Variants in PTPRD observed in about 807,000 individuals in gnomAD.
PTPRD encodes the protein protein tyrosine phosphatase receptor type D.
PTPRD carries 34 observed loss-of-function variants against 214.5 expected under a neutral mutation model. The ratio of observed to expected loss-of-function variants is 0.16; its 90% CI spans 0.12 to 0.21. The LOEUF (loss-of-function observed/expected upper bound fraction) is 0.21. Ranked by LOEUF, PTPRD falls within the 10% of genes least tolerant of loss-of-function variation. PTPRD has a pLI of 1.00. For missense variants in PTPRD, 2,545 were observed against 2,398.7 expected, an observed-to-expected ratio of 1.06 and a Z score of -1.27; for synonymous variants, 1,128 against 845.7, an observed-to-expected ratio of 1.33 and a Z score of -5.79.
At position 8,819,618 on chromosome 9, in the gene PTPRD, G is replaced by A. The variant is rs193029495; in HGVS notation, c.-103-85672C>T. 9.5e-4 allele frequency among the ~76,000 whole-genome samples: 145 copies of A among 152,224 alleles called. No homozygotes were observed. In the Middle Eastern group the frequency reaches 0.01, roughly 11 times the overall value. The stretch of plus-strand genomic sequence containing the variant: ...AGAGGTTGCAGTGAGCCAAGATTGA[G>A]CCACTGCACTCCAGCCTGGGCAACA... On this transcript the variant is annotated intron_variant, in intron 11 of 45. Transcript: ENST00000381196.
rs559751224 is a variant in PTPRD at position 10,111,804 on chromosome 9, T to C, written c.-544-78014A>G. On this transcript the variant is annotated intron_variant, in intron 3 of 45. Transcript: ENST00000381196. ...ATTTCACTGCTACTTCTTAGCTCTG[T>C]GATGGCAGACACATTTAGCCTCCCC... Among the ~76,000 whole-genome samples, 68 of 152,346 alleles carry C rather than the reference T, an allele frequency of 4.5e-4. No individual in the cohort carries two copies. In the Middle Eastern group the frequency reaches 0.01, roughly 23 times the overall value.
intron 11 of PTPRD, among the ~76,000 whole-genome samples, chr9:8,997,473 G>A (rs2099401484): frequency 1.3e-5 from 2 of 151,796 alleles, no homozygotes; most frequent in South Asian, 4.2e-4. Flanking sequence ...GTTGTTGTGG[G>A]GCACCACAAA....
chr9:8,919,522 A>G (rs570059245), intron 11 of PTPRD, among the ~76,000 whole-genome samples: 1 of 152,282 alleles, frequency 6.6e-6, no homozygotes, highest in African/African-American at 2.4e-5. Flanking sequence ...TTTCATTCTA[A>G]AAATTAGCTT....
chr9:10,372,403 T>A (rs1046932639), intron 2 of PTPRD, among the ~76,000 whole-genome samples: 1 of 152,106 alleles, frequency 6.6e-6, no homozygotes, highest in Non-Finnish European at 1.5e-5. Context: ...TGCTTAGATA[T>A]TTTTGTCATG....
chr9:10,268,048 T>C (rs908450043), intron 3 of PTPRD, among the ~76,000 whole-genome samples: 2 of 151,304 alleles, frequency 1.3e-5, no homozygotes, highest in Non-Finnish European at 2.9e-5. Flanking sequence ...TGGGATGCTG[T>C]GGCAGAATTG....
intron 39 of PTPRD, among the ~76,000 whole-genome samples, chr9:8,364,168 A>G (rs565685673): frequency 2.6e-4 from 40 of 152,356 alleles, no homozygotes; most frequent in African/African-American, 9.1e-4. Flanking sequence ...TGCAAGTGCA[A>G]GAAATAGCAC....
intron 2 of PTPRD, among the ~76,000 whole-genome samples, chr9:10,543,475 T>TACACAC (rs201493444): frequency 0.032 from 3,321 of 104,230 alleles, 36 homozygotes; most frequent in South Asian, 0.053. Flanking sequence ...TTAATATATA[T>TACACAC]ATATACACAC....
chr9:9,083,029 T>C (rs2099761555), intron 10 of PTPRD, among the ~76,000 whole-genome samples: 1 of 152,174 alleles, frequency 6.6e-6, no homozygotes, highest in Non-Finnish European at 1.5e-5. Context: ...ATTGACTTTC[T>C]TCACAGAATT....
intron 9 of PTPRD, among the ~76,000 whole-genome samples, chr9:9,185,669 C>T (rs1331648840): frequency 2.6e-5 from 4 of 152,038 alleles, no homozygotes; most frequent in Non-Finnish European, 2.9e-5. Flanking sequence ...AATCCTCAGG[C>T]TCTATTCCAT....
chr9:10,025,859 G>A (rs1305839626), intron 4 of PTPRD, among the ~76,000 whole-genome samples: 1 of 152,188 alleles, frequency 6.6e-6, no homozygotes, highest in African/African-American at 2.4e-5. Context: ...CTGTGCTACA[G>A]TTCACGGAAC....
chr9:9,731,476 A>G lies in PTPRD; in HGVS notation c.-287+3057T>C, dbSNP rs539061050. On this transcript the variant is annotated intron_variant, in intron 7 of 45. Transcript: ENST00000381196. ...GGAAATTTAAGGTTTTTTTTTAATT[A>G]TACTTTAAGTTCTAGGGTACATGTG... Among the ~76,000 whole-genome samples the G allele has an allele frequency of 3.9e-5, 6 of 151,984 alleles. No individual in the cohort carries two copies. The South Asian group carries it at 6.2e-4, about 16-fold the overall frequency.
chr9:8,536,403 A>C (rs1167737014), intron 14 of PTPRD, among the ~76,000 whole-genome samples: 1 of 151,734 alleles, frequency 6.6e-6, no homozygotes, highest in African/African-American at 2.4e-5. Context: ...ATATATATAC[A>C]TACATACACA....
In PTPRD at chr9:9,345,357, A is replaced by G. The variant is rs149240630; in HGVS notation, c.-203+52092T>C. The stretch of plus-strand genomic sequence containing the variant: ...GGTTACAGCAGTAGGTTTTTGTTAA[A>G]GTAGGTTTTTTTGATCAGTATGAGA... On this transcript the variant is annotated intron_variant, in intron 9 of 45. Transcript: ENST00000381196. Among the ~76,000 whole-genome samples the G allele has an allele frequency of 1.7e-3, 265 of 152,124 alleles. 1 individual carries two copies. The highest frequency in any genetic ancestry group is 6.1e-3 in the African/African-American group (254 of 41,540).
chr9:10,588,918 T>A (rs1455963404), intron 2 of PTPRD, among the ~76,000 whole-genome samples: 2 of 152,082 alleles, frequency 1.3e-5, no homozygotes, highest in Non-Finnish European at 2.9e-5. Flanking sequence ...ACATTTTACT[T>A]GGTCTATTTC....
At chr9:9,429,216 G>T (rs961584253) in intron 8 of PTPRD, among the ~76,000 whole-genome samples, 8 of 152,092 alleles carry the variant, frequency 5.3e-5, no homozygotes, top group Non-Finnish European at 2.9e-5. Context: ...TGACAAAGGG[G>T]ATATCACCAC....
rs1556463 is a variant in PTPRD at position 9,419,666 on chromosome 9, C to G, written c.-236-22184G>C. On this transcript the variant is annotated intron_variant, in intron 8 of 45. Coordinates refer to ENST00000381196, the MANE Select transcript of PTPRD (RefSeq NM_002839.4). ...AATATAAAACCCAGTTTATTAGTTA[C>G]TGGAATTTGTCAAGGACTTTTCATG... is the stretch of plus-strand genomic sequence containing the variant. Among the ~76,000 whole-genome samples, 4 of 151,534 alleles carry G rather than the reference C, an allele frequency of 2.6e-5. No homozygotes were observed. In the South Asian group the frequency reaches 8.3e-4, roughly 31 times the overall value.
intron 11 of PTPRD, among the ~76,000 whole-genome samples, chr9:8,909,748 CATAGAG>C (rs895027132): frequency 6.7e-6 from 1 of 148,230 alleles, no homozygotes. Flanking sequence ...AGGTGGAAGA[CATAGAG>C]ATAGAGATAG....
chr9:10,360,699 C>T lies in PTPRD; in HGVS notation c.-599-19682G>A, dbSNP rs540088664. ...GACCCCCCAAAAGCTTTATTTAGCA[C>T]GGTTTTTAATCTAATGATATTTACT... On this transcript the variant is annotated intron_variant, in intron 2 of 45. Transcript: ENST00000381196. Among the ~76,000 whole-genome samples, 21 of 152,194 alleles carry T rather than the reference C, an allele frequency of 1.4e-4. No homozygotes were observed. The South Asian group carries it at 4.2e-3, about 30-fold the overall frequency.
At chr9:9,856,056 G>A (rs1366099809) in intron 5 of PTPRD, among the ~76,000 whole-genome samples, 3 of 152,184 alleles carry the variant, frequency 2.0e-5, no homozygotes, top group Non-Finnish European at 2.9e-5. Context: ...TATTGCTGAT[G>A]AAAGTGGCCC....
Sources: gnomAD v4.1 joint callset for allele counts (sites outside exome capture counted in the v4.1 genomes callset) on GRCh38, gnomAD v4.1.1 for gene constraint, MANE v1.5 for transcripts, NCBI Gene and HGNC (gene_info 2026-07-23, HGNC 2026-07-21) for gene names.